NPEPL1: variants seen among roughly 807,000 people sequenced by gnomAD.
The protein encoded by NPEPL1 is probable aminopeptidase NPEPL1.
In NPEPL1, 45 loss-of-function variants were observed where a neutral mutation model predicts 52.4. The observed-to-expected ratio is 0.86, with a 90% confidence interval of 0.68 to 1.10. NPEPL1 has a LOEUF of 1.10. NPEPL1 is among the 50% of genes least tolerant of loss of function. The pLI, the probability that NPEPL1 is intolerant of heterozygous loss-of-function variation, is 0.00. For missense variants in NPEPL1, 696 were observed against 710.9 expected (o/e 0.98, Z 0.24); for synonymous variants, 360 against 314.7 (o/e 1.14, Z -1.52).
At chr20:58,691,331 G>A, upstream of NPEPL1, 1 of 544,342 alleles carries the variant, frequency 1.8e-6, no homozygotes, top group Middle Eastern at 3.0e-4. Flanking sequence ...AAAGCTGAGG[G>A]TTTCAAAGGA....
chr20:58,714,295 C>A, intron 10 of NPEPL1: 1 of 631,670 alleles, frequency 1.6e-6, no homozygotes, highest in African/African-American at 1.9e-5. Context: ...CCCTGCCACA[C>A]AGCCAAGGGT....
chr20:58,709,271 T>C (rs1377278729), intron 7 of NPEPL1, among the ~76,000 whole-genome samples: 3 of 152,038 alleles, frequency 2.0e-5, no homozygotes, highest in Non-Finnish European at 4.4e-5. Context: ...CATATCCTTG[T>C]TGGCCTCTTA....
chr20:58,695,776 A>C (rs970486447), intron 3 of NPEPL1, among the ~76,000 whole-genome samples: 1 of 152,200 alleles, frequency 6.6e-6, no homozygotes, highest in African/African-American at 2.4e-5. Flanking sequence ...CTTTTAAAAA[A>C]GTCTAACTGG....
chr20:58,690,005 C>T (rs951143074), upstream of NPEPL1, among the ~76,000 whole-genome samples: 2 of 152,144 alleles, frequency 1.3e-5, no homozygotes, highest in Non-Finnish European at 2.9e-5. Flanking sequence ...ATCTGAGAGC[C>T]TCGTGGCAAT....
chr20:58,702,054 A>G (rs752363911), intron 6 of NPEPL1, among the ~76,000 whole-genome samples: 16 of 152,256 alleles, frequency 1.1e-4, no homozygotes, highest in Non-Finnish European at 1.9e-4. Flanking sequence ...TGGGAAGTAC[A>G]TACCTCAGGA....
chr20:58,694,478 C>T lies in NPEPL1; in HGVS notation c.393C>T (p.Phe131=), dbSNP rs760086884. ...CCGCCTGTGCCCTGGCCCGGGCCTT[C>T]CCGCTGTTCACCCACCGCTCAGGTG... ...FASACALARA[F]PLFTHRSGAS... Residue 131 remains phenylalanine, a synonymous_variant, in exon 3 of 12, where the codon TTC becomes TTT. Transcript: ENST00000356091. 3.6e-5 allele frequency: 58 copies of T among 1,613,842 alleles called. No homozygotes were observed. Among genetic ancestry groups the T allele is most frequent in the Non-Finnish European group, 4.5e-5 (53 of 1,179,870 alleles).
rs1164201254 is a variant in NPEPL1 at position 58,692,853 on chromosome 20, GCGGGCCGGGCCGGGC to G, written c.-42_-28del. ...GGAGCGGGGCGAAGGGGGCCGAGCG[GCGGGCCGGGCCGGGC>G]CGGGCAGGGCCGGGGCGTGGGCCGG... On this transcript the variant is annotated 5_prime_UTR_variant, in exon 1 of 12. Transcript: ENST00000356091. This position sits in a 1 kb window ranked among gnomAD's most constrained non-coding sequence, Gnocchi z 5.7. 21 of 987,712 alleles carry G rather than the reference GCGGGCCGGGCCGGGC, an allele frequency of 2.1e-5. No individual in the cohort carries two copies. The highest frequency in any genetic ancestry group is 1.2e-4 in the Admixed American group (2 of 16,016). 61.2% of individuals were successfully genotyped at this position (987,712 alleles called of 1,614,324 possible).
chr20:58,696,249 C>T (rs2084488491), intron 3 of NPEPL1, among the ~76,000 whole-genome samples: 1 of 152,240 alleles, frequency 6.6e-6, no homozygotes, highest in Non-Finnish European at 1.5e-5. Context: ...TCTTGCTCCT[C>T]TGCAGGGGTC....
intron 7 of NPEPL1, 57 bp from the exon 8 acceptor site, chr20:58,712,422 C>T: frequency 8.5e-7 from 1 of 1,178,846 alleles, no homozygotes; most frequent in Admixed American, 1.7e-5. Flanking sequence ...AGCTCGTCCT[C>T]CCCCCTCCCC....
chr20:58,712,442 A>T (rs762020152), intron 7 of NPEPL1, 37 bp from the exon 8 acceptor site: 2 of 1,421,804 alleles, frequency 1.4e-6, no homozygotes, highest in Admixed American at 1.7e-5. Flanking sequence ...CAAACCTATG[A>T]CCTACAACTG....
At position 58,694,501 on chromosome 20, in the gene NPEPL1, G is replaced by C. The variant is rs2084421331; in HGVS notation, c.416G>C (p.Gly139Ala). Residue 139 changes from glycine (G) to alanine (A), a missense_variant, in exon 3 of 12, where the codon GGT becomes GCT. Gly to Ala is a moderately conservative substitution (Grantham distance 60). Transcript: ENST00000356091. ...RAFPLFTHRSGASRRLEKKTV... is the reference protein window; with the variant it reads ...RAFPLFTHRSAASRRLEKKTV... ...TTCCCGCTGTTCACCCACCGCTCAGGTGCCTCTCGGCGCTTGGAGAAGAAG... is the reference window on the plus strand; with the variant it reads ...TTCCCGCTGTTCACCCACCGCTCAGCTGCCTCTCGGCGCTTGGAGAAGAAG... 1.2e-6 allele frequency: 2 copies of C among 1,613,906 alleles called. No homozygotes were observed. Among genetic ancestry groups the C allele is most frequent in the Admixed American group, 3.3e-5 (2 of 60,004 alleles).
upstream of NPEPL1, chr20:58,692,650 G>C (rs1182339984): frequency 4.1e-6 from 1 of 245,786 alleles, no homozygotes; most frequent in East Asian, 1.8e-4. This position sits in a 1 kb window ranked among gnomAD's most constrained non-coding sequence, Gnocchi z 5.7. Context: ...GGCAGGGCCT[G>C]CTCGGGGCCG....
intron 7 of NPEPL1, chr20:58,711,091 TCTCCTC>T (rs1199992692): frequency 6.5e-5 from 1 of 15,408 alleles, no homozygotes; most frequent in African/African-American, 7.9e-4. Context: ...CCCCGCCTCC[TCTCCTC>T]CTCCTCCTCC....
chr20:58,714,973 GCCTGGCCTGCCAGC>G, intron 11 of NPEPL1, 181 bp from the exon 12 acceptor site: 2 of 669,772 alleles, frequency 3.0e-6, no homozygotes, highest in Non-Finnish European at 5.0e-6. Context: ...CCCTGCCTAC[GCCTGGCCTGCCAGC>G]CCTGAACGTG....
intron 6 of NPEPL1, among the ~76,000 whole-genome samples, chr20:58,701,771 A>G (rs1160795426): frequency 1.3e-5 from 2 of 151,930 alleles, no homozygotes; most frequent in Admixed American, 1.3e-4. Flanking sequence ...AAGGCACGTG[A>G]CCCCCAAGAG....
rs1216047125 is a variant in NPEPL1 at position 58,712,508 on chromosome 20, C to G, written c.930C>G (p.Phe310Leu). 1 of 1,613,618 alleles carries G rather than the reference C, an allele frequency of 6.2e-7. No individual in the cohort carries two copies. Among genetic ancestry groups the G allele is most frequent in the Non-Finnish European group, 8.5e-7 (1 of 1,179,750 alleles). The change falls in exon 8 of 12, where the codon TTC (phenylalanine) becomes TTG (leucine). Residue 310 changes from phenylalanine to leucine, a missense_variant. Physicochemically the swap from Phe to Leu is conservative, Grantham distance 22. Coordinates refer to ENST00000356091, the MANE Select transcript of NPEPL1 (RefSeq NM_024663.4). ...QGFKDNLHAV[F>L]CLAENSVGPN... Reference sequence around the variant, plus strand: ...TCAAAGACAACCTCCACGCTGTGTTCTGCTTGGCTGAGAACTCGGTGGGGC... The same window carrying G: ...TCAAAGACAACCTCCACGCTGTGTTGTGCTTGGCTGAGAACTCGGTGGGGC...
At chr20:58,698,921 C>A in intron 4 of NPEPL1, 148 bp downstream of exon 4, 1 of 721,312 alleles carries the variant, frequency 1.4e-6, no homozygotes, top group Non-Finnish European at 2.3e-6. Context: ...TGCTGTCTGC[C>A]GGGCTCCAGG....
chr20:58,691,698 T>TTTTTTTTTTTTTTTTTTTC, upstream of NPEPL1: 2 of 242,262 alleles, frequency 8.3e-6, no homozygotes, highest in South Asian at 3.9e-5. Context: ...CTTTTCTTTT[T>TTTTTTTTTTTTTTTTTTTC]TTTTTTTTTT....
chr20:58,703,431 C>T, intron 6 of NPEPL1: 1 of 979,092 alleles, frequency 1.0e-6, no homozygotes. Context: ...TAGTGCACCC[C>T]CTACTGCCTG....
Sources: gnomAD v4.1 joint callset for allele counts (sites outside exome capture counted in the v4.1 genomes callset) on GRCh38, gnomAD v4.1.1 for gene constraint, Gnocchi (gnomAD v3.1) non-coding constraint, MANE v1.5 for transcripts, NCBI Gene and HGNC (gene_info 2026-07-23, HGNC 2026-07-21) for gene names.